The following METTL6 variants were observed in gnomAD, a reference collection of about 807,000 sequenced individuals.
The protein encoded by METTL6 is tRNA N(3)-cytidine methyltransferase METTL6.
METTL6 carries 22 observed loss-of-function variants against 26.4 expected under a neutral mutation model. That is an observed-to-expected ratio of 0.83 (90% CI 0.59 to 1.19). METTL6 has a LOEUF of 1.19. METTL6 is among the 50% of genes most tolerant of loss of function. The pLI is 0.00. For missense variants in METTL6, 304 were observed against 324.8 expected (o/e 0.94, Z 0.49); for synonymous variants, 109 against 116.2 (o/e 0.94, Z 0.40).
At chr3:15,382,718 TC>T (rs1346635809) in exon 7 of METTL6, 1 of 151,110 alleles carries the variant, frequency 6.6e-6, no homozygotes, top group Non-Finnish European at 1.5e-5. Flanking sequence ...TTAGGATCCT[TC>T]TGGAAACCCC....
intron 6 of METTL6, among the ~76,000 whole-genome samples, chr3:15,396,272 T>G (rs1699485171): frequency 6.6e-6 from 1 of 152,242 alleles, no homozygotes; most frequent in South Asian, 2.1e-4. Context: ...TTTCTTCCAG[T>G]TGATTGAATC....
At chr3:15,393,892 A>C (rs1280487326) in intron 6 of METTL6, among the ~76,000 whole-genome samples, 1 of 152,162 alleles carries the variant, frequency 6.6e-6, no homozygotes, top group Non-Finnish European at 1.5e-5. Context: ...TGCTGGATTC[A>C]GTTTCCCAGT....
At chr3:15,424,026 G>C (rs2061666017) in intron 3 of METTL6, among the ~76,000 whole-genome samples, 1 of 152,096 alleles carries the variant, frequency 6.6e-6, no homozygotes. Flanking sequence ...GGGCAACATA[G>C]TGAGACCCCA....
intron 6 of METTL6, among the ~76,000 whole-genome samples, chr3:15,398,200 T>G (rs1487205463): frequency 6.6e-6 from 1 of 151,478 alleles, no homozygotes; most frequent in Non-Finnish European, 1.5e-5. Context: ...TGCTGAGATT[T>G]TTTTTTTTTT....
Position 15,410,265 on chromosome 3 carries a change from A to C in METTL6, c.*991T>G, listed in dbSNP as rs1398121998. Among the ~76,000 whole-genome samples the C allele has an allele frequency of 1.3e-5, 2 of 152,186 alleles. No homozygotes were observed. Among genetic ancestry groups the C allele is most frequent in the Non-Finnish European group, 1.5e-5 (1 of 68,028 alleles). The stretch of plus-strand genomic sequence containing the variant: ...CCAAGATGGTACCAAACTCTAAAAA[A>C]AAAAGAACAACTTTAACAATATACC... On this transcript the variant is annotated 3_prime_UTR_variant, in exon 6 of 6. Coordinates refer to ENST00000383790, the MANE Select transcript of METTL6 (RefSeq NM_152396.4).
In METTL6 at chr3:15,412,061, G is replaced by A. The variant is rs139451261; in HGVS notation, c.674-624C>T. Among the ~76,000 whole-genome samples, 176 of 152,214 alleles carry A rather than the reference G, an allele frequency of 1.2e-3. 1 individual carries two copies. The highest frequency in any genetic ancestry group is 4.1e-3 in the African/African-American group (171 of 41,520). The stretch of plus-strand genomic sequence containing the variant: ...ATAACACGCATGAGCCACTGGGCCC[G>A]GCCGATTATATTCCTTTTTAAAAAT... On this transcript the variant is annotated intron_variant, in intron 5 of 5. Transcript: ENST00000383790.
intron 5 of METTL6, among the ~76,000 whole-genome samples, chr3:15,412,397 T>G (rs1264468799): frequency 6.6e-6 from 1 of 152,260 alleles, no homozygotes; most frequent in Non-Finnish European, 1.5e-5. Context: ...TCACTGAATC[T>G]TCTCAATATT....
chr3:15,390,648 G>A (rs917442582), intron 6 of METTL6, among the ~76,000 whole-genome samples: 1 of 152,200 alleles, frequency 6.6e-6, no homozygotes, highest in Non-Finnish European at 1.5e-5. Context: ...GGCAGGAGCA[G>A]GCTCGGTGCA....
chr3:15,422,595 C>T lies in METTL6; in HGVS notation c.360+2360G>A, dbSNP rs2061632734. Among the ~76,000 whole-genome samples the T allele has an allele frequency of 1.3e-5, 2 of 151,996 alleles. 1 individual carries two copies. The highest frequency in any genetic ancestry group is 1.3e-4 in the Admixed American group (2 of 15,252). On this transcript the variant is annotated intron_variant, in intron 3 of 5. Transcript: ENST00000383790. The stretch of plus-strand genomic sequence containing the variant: ...AGCTCTAATACACACCACTGCACTC[C>T]AGCCTGGGTGACAAAGCAAGACCAT...
chr3:15,402,476 G>C (rs1327307706), intron 6 of METTL6, among the ~76,000 whole-genome samples: 2 of 152,188 alleles, frequency 1.3e-5, no homozygotes, highest in African/African-American at 4.8e-5. Context: ...GCTTACACCA[G>C]TAATCCCAGC....
rs746560145 is a variant in METTL6, at chr3:15,424,999, C to G, written c.316G>C (p.Ala106Pro). The G allele has an allele frequency of 1.9e-6, 3 of 1,614,140 alleles. No homozygotes were observed. Among genetic ancestry groups the G allele is most frequent in the South Asian group, 2.2e-5 (2 of 91,080 alleles). ...PLLEEDPNIF[A>P]YACDFSPRAI... ...CTTGGAGAAAAATCACAGGCATAGG[C>G]AAAGATATTCGGATCTTCTTCTAAA... Residue 106 changes from alanine (A) to proline (P), a missense_variant, in exon 3 of 6, where the codon GCC (alanine) becomes CCC (proline). Ala to Pro is a conservative substitution (Grantham distance 27, BLOSUM62 -1). Coordinates refer to ENST00000383790, the MANE Select transcript of METTL6 (RefSeq NM_152396.4).
At chr3:15,415,423 T>G (rs1353501731) in intron 4 of METTL6, 17 of 1,412,812 alleles carry the variant, frequency 1.2e-5, no homozygotes, top group Middle Eastern at 1.7e-4. Context: ...TCCCAAAGTG[T>G]TGGGATTACA....
At chr3:15,407,007 T>TA (rs752400791), downstream of METTL6, among the ~76,000 whole-genome samples, 1 of 152,024 alleles carries the variant, frequency 6.6e-6, no homozygotes, top group East Asian at 1.9e-4. Context: ...AAACCAGCTT[T>TA]AAATATTGTT....
intron 6 of METTL6, among the ~76,000 whole-genome samples, chr3:15,389,214 G>A (rs574093223): frequency 5.3e-5 from 8 of 150,806 alleles, no homozygotes; most frequent in Non-Finnish European, 8.9e-5. Flanking sequence ...GGCTGGTCTC[G>A]AACTCCTGCC....
At chr3:15,402,043 G>C (rs1047911371) in intron 6 of METTL6, among the ~76,000 whole-genome samples, 1 of 152,092 alleles carries the variant, frequency 6.6e-6, no homozygotes, top group Non-Finnish European at 1.5e-5. Context: ...CTTGGGGTCT[G>C]GATTGGAACC....
downstream of METTL6, among the ~76,000 whole-genome samples, chr3:15,405,549 T>C (rs1315784474): frequency 1.3e-5 from 2 of 151,968 alleles, no homozygotes; most frequent in South Asian, 4.1e-4. Context: ...TCAGTAACAA[T>C]AAAAAAAGAA....
At chr3:15,382,847 A>T (rs1314540299) in exon 7 of METTL6, 3 of 152,186 alleles carry the variant, frequency 2.0e-5, no homozygotes, top group Non-Finnish European at 4.4e-5. Context: ...GTGAACCTGG[A>T]AGATATTATG....
Position 15,413,518 on chromosome 3 carries a change from G to A in METTL6, c.673+503C>T, listed in dbSNP as rs193047052. Among the ~76,000 whole-genome samples the A allele has an allele frequency of 2.3e-3, 351 of 152,188 alleles. 2 individuals are homozygous for A. Among genetic ancestry groups the A allele is most frequent in the African/African-American group, 7.9e-3 (329 of 41,510 alleles). On this transcript the variant is annotated intron_variant, in intron 5 of 5. Transcript: ENST00000383790. ...GTCTGGAAGGTGGAGGCTGCAGTGA[G>A]CCAAGATCACACCACTGCACTCCAG...
chr3:15,406,096 A>G (rs1292136313), downstream of METTL6, among the ~76,000 whole-genome samples: 2 of 151,992 alleles, frequency 1.3e-5, no homozygotes, highest in East Asian at 3.9e-4. Flanking sequence ...ATATAGTACT[A>G]TATAGGATAT....
Sources: gnomAD v4.1 joint callset for allele counts (sites outside exome capture counted in the v4.1 genomes callset) on GRCh38, gnomAD v4.1.1 for gene constraint, MANE v1.5 for transcripts, NCBI Gene and HGNC (gene_info 2026-07-23, HGNC 2026-07-21) for gene names.